LRP6: variants seen among roughly 807,000 people sequenced by gnomAD.
LRP6 encodes LDL receptor related protein 6, also known as low-density lipoprotein receptor-related protein 6.
LRP6 carries 43 observed loss-of-function variants against 184.1 expected under a neutral mutation model. That is an observed-to-expected ratio of 0.23 (90% CI 0.18 to 0.30). The LOEUF (loss-of-function observed/expected upper bound fraction) is 0.30, where lower values mean the gene tolerates loss of function less well. LRP6 is among the 10% of genes least tolerant of loss of function. The probability of loss-of-function intolerance (pLI) is 1.00; values close to 1 mark genes in which losing one functional copy is unlikely to be tolerated. For synonymous variants in LRP6, 719 were observed against 684.9 expected (o/e 1.05, Z -0.78); for missense variants, 1,571 against 2,005.3 (o/e 0.78, Z 4.14).
intron 1 of LRP6, among the ~76,000 whole-genome samples, chr12:12,264,596 T>C (rs1299206027): frequency 1.3e-5 from 2 of 152,158 alleles, no homozygotes; most frequent in East Asian, 3.8e-4. Context: ...CAATTCTTTG[T>C]GGGGGAAAAA....
intron 22 of LRP6, among the ~76,000 whole-genome samples, chr12:12,123,196 G>A (rs1591858879): frequency 1.3e-5 from 2 of 152,300 alleles, no homozygotes; most frequent in South Asian, 2.1e-4. Flanking sequence ...TTATGCAATC[G>A]TGTTTATTCT....
chr12:12,213,291 TAC>T (rs1014055336), intron 2 of LRP6, among the ~76,000 whole-genome samples: 11 of 152,130 alleles, frequency 7.2e-5, no homozygotes, highest in Non-Finnish European at 2.9e-5. Flanking sequence ...ATAAAATTAA[TAC>T]ATTTATTTAT....
intron 10 of LRP6, among the ~76,000 whole-genome samples, chr12:12,161,536 G>C (rs1862741986): frequency 6.6e-6 from 1 of 152,142 alleles, no homozygotes; most frequent in Admixed American, 6.5e-5. Flanking sequence ...TCCCAAAGTT[G>C]CTGGGATTAC....
rs752896710 is a variant in LRP6 at position 12,147,486 on chromosome 12, G to A, written c.3277C>T (p.Arg1093Trp). 8.7e-6 allele frequency: 14 copies of A among 1,613,870 alleles called. No homozygotes were observed. Among genetic ancestry groups the A allele is most frequent in the Admixed American group, 3.3e-5 (2 of 59,978 alleles). The change falls in exon 15 of 23, where the codon CGG becomes TGG. Residue 1093 changes from arginine to tryptophan, a missense_variant. Around this residue, in one of 4 missense-constraint regions of LRP6, gnomAD observed 763 missense variants for 859.5 expected, o/e 0.89. Coordinates refer to ENST00000261349, the MANE Select transcript of LRP6 (RefSeq NM_002336.3). ...IERAALDGTE[R>W]EVLFFSGLSK... ...AAGCCACTGAAAAAGAGGACCTCCC[G>A]TTCTGTCCCATCCAAAGCAGCCCGT...
intron 7 of LRP6, among the ~76,000 whole-genome samples, chr12:12,176,207 G>T (rs371438210): frequency 1.5e-4 from 23 of 152,036 alleles, no homozygotes; most frequent in Non-Finnish European, 2.8e-4. Flanking sequence ...AAATCAGGAG[G>T]GGGGGTGGTG....
At chr12:12,231,823 T>C (rs886259558) in intron 2 of LRP6, among the ~76,000 whole-genome samples, 2 of 151,920 alleles carry the variant, frequency 1.3e-5, no homozygotes, top group Non-Finnish European at 2.9e-5. Flanking sequence ...AAGTCCATCC[T>C]GAGCAACATG....
At chr12:12,199,310 A>G (rs756069868) in intron 3 of LRP6, among the ~76,000 whole-genome samples, 1 of 152,182 alleles carries the variant, frequency 6.6e-6, no homozygotes, top group Non-Finnish European at 1.5e-5. Context: ...CTAGGCAATA[A>G]AACACTCTAT....
At chr12:12,151,596 T>C (rs566623673) in intron 12 of LRP6, among the ~76,000 whole-genome samples, 3 of 152,352 alleles carry the variant, frequency 2.0e-5, no homozygotes, top group African/African-American at 4.8e-5. Flanking sequence ...ATAGTCATCT[T>C]GTCCCTCTCA....
intron 7 of LRP6, among the ~76,000 whole-genome samples, chr12:12,174,814 C>A (rs559793943): frequency 2.6e-5 from 4 of 152,164 alleles, no homozygotes; most frequent in Admixed American, 2.6e-4. Context: ...CAAAATAATA[C>A]CTTCTTTATT....
chr12:12,236,354 TGGATTACAACCTACA>T (rs1864933115), intron 2 of LRP6, among the ~76,000 whole-genome samples: 1 of 152,234 alleles, frequency 6.6e-6, no homozygotes, highest in South Asian at 2.1e-4. Flanking sequence ...ATGACAGTTT[TGGATTACAACCTACA>T]GGATAAAATA....
Position 12,158,832 on chromosome 12 carries a change from T to C in LRP6, c.2788A>G (p.Ser930Gly), listed in dbSNP as rs1390551354. 6.2e-7 allele frequency: 1 copy of C among 1,614,060 alleles called. No individual in the cohort carries two copies. ...YSLNADNRTC[S>G]APTTFLLFSQ... ...TTTGGAGGGAAATGCAGCTTACCAC[T>C]ACAAGTCCTGTTGTCAGCATTAAGA... Residue 930 changes from serine (S) to glycine (G), a missense_variant, in exon 12 of 23, where the codon AGT (serine) becomes GGT (glycine). Ser to Gly is a moderately conservative substitution (Grantham distance 56). Transcript: ENST00000261349.
chr12:12,192,366 G>A (rs1863639999), intron 3 of LRP6, among the ~76,000 whole-genome samples: 2 of 148,456 alleles, frequency 1.3e-5, no homozygotes, highest in Admixed American at 6.7e-5. Flanking sequence ...AAGGAACAAA[G>A]ATGACATAAG....
intron 2 of LRP6, among the ~76,000 whole-genome samples, chr12:12,235,167 C>T (rs1864900867): frequency 6.6e-6 from 1 of 152,156 alleles, no homozygotes; most frequent in Non-Finnish European, 1.5e-5. Context: ...TTTTAAAACT[C>T]CCTTAATGTG....
chr12:12,218,138 G>C (rs1565664960), intron 2 of LRP6, among the ~76,000 whole-genome samples: 1 of 152,074 alleles, frequency 6.6e-6, no homozygotes, highest in African/African-American at 2.4e-5. Flanking sequence ...TCCGACAAAG[G>C]TCTGGTTTCC....
intron 1 of LRP6, among the ~76,000 whole-genome samples, chr12:12,264,072 T>C (rs1865696416): frequency 6.6e-6 from 1 of 151,916 alleles, no homozygotes; most frequent in African/African-American, 2.4e-5. Context: ...GCCCAAGACT[T>C]TGAGACTGCA....
In LRP6 at chr12:12,146,413, A is replaced by G. The variant is rs184692534; in HGVS notation, c.3397+953T>C. 2.9e-4 allele frequency among the ~76,000 whole-genome samples: 44 copies of G among 152,366 alleles called. No individual in the cohort carries two copies. The East Asian group carries it at 5.0e-3, about 17-fold the overall frequency. ...TGCCATGCTGACAGACACAAATAGT[A>G]TATTTTAATTTCATTTACCTGATCA... On this transcript the variant is annotated intron_variant, in intron 15 of 22. Coordinates refer to ENST00000261349, the MANE Select transcript of LRP6 (RefSeq NM_002336.3).
In LRP6 at chr12:12,117,752, A is replaced by T. The variant is rs570145846; in HGVS notation, c.*3374T>A. ...GTATTCTTCATTAATAGGGCTTTAT[A>T]GCAAAAGAAAAAGATGATCCTCCAA... On this transcript the variant is annotated 3_prime_UTR_variant, in exon 23 of 23. Transcript: ENST00000261349. 6.6e-6 allele frequency: 1 copy of T among 152,368 alleles called. No individual in the cohort carries two copies. Among genetic ancestry groups the T allele is most frequent in the East Asian group, 1.9e-4 (1 of 5,188 alleles). 9.4% of individuals were successfully genotyped at this position (152,368 alleles called of 1,614,324 possible).
chr12:12,162,755 G>T (rs770928966), intron 9 of LRP6, among the ~76,000 whole-genome samples: 1 of 152,124 alleles, frequency 6.6e-6, no homozygotes. Context: ...ATCTTAATTA[G>T]TGGTCAATTT....
At chr12:12,126,981 T>A in intron 19 of LRP6, 60 bp from the exon 20 acceptor site, 3 of 1,351,978 alleles carry the variant, frequency 2.2e-6, no homozygotes, top group Non-Finnish European at 3.2e-6. Context: ...TTCAAAATAG[T>A]AATCAAAAGA....
Sources: allele counts gnomAD v4.1 joint callset (sites outside exome capture counted in the v4.1 genomes callset), GRCh38; gene constraint gnomAD v4.1.1; regional missense constraint gnomAD v4.1.1; transcripts MANE v1.5; gene names NCBI Gene and HGNC (gene_info 2026-07-23, HGNC 2026-07-21).